The following PRKD1 variants were observed in gnomAD, a reference collection of about 807,000 sequenced individuals.
PRKD1 encodes serine/threonine-protein kinase D1.
A neutral mutation model predicts 95.9 loss-of-function variants in PRKD1; 63 were observed. That is an observed-to-expected ratio of 0.66 (90% CI 0.54 to 0.81). The LOEUF (loss-of-function observed/expected upper bound fraction) is 0.81, where lower values mean the gene tolerates loss of function less well. Ranked by LOEUF, PRKD1 falls within the 30% of genes least tolerant of loss-of-function variation. The pLI is 0.00. For synonymous variants in PRKD1, 425 were observed against 423.1 expected (o/e 1.00, Z -0.05); for missense variants, 1,048 against 1,165.3 (o/e 0.90, Z 1.47).
At chr14:29,734,902 G>T (rs1886642761) in intron 1 of PRKD1, among the ~76,000 whole-genome samples, 1 of 152,108 alleles carries the variant, frequency 6.6e-6, no homozygotes, top group African/African-American at 2.4e-5. Context: ...GGCTCTGCTT[G>T]GGTTCTCCCT....
At chr14:29,600,423 A>G (rs568722673) in intron 13 of PRKD1, among the ~76,000 whole-genome samples, 1 of 152,300 alleles carries the variant, frequency 6.6e-6, no homozygotes, top group African/African-American at 2.4e-5. Flanking sequence ...GCACGCAATA[A>G]ATATAGCTAA....
At chr14:29,676,771 A>T (rs1883249654) in intron 2 of PRKD1, among the ~76,000 whole-genome samples, 1 of 152,184 alleles carries the variant, frequency 6.6e-6, no homozygotes, top group Admixed American at 6.5e-5. Context: ...GTTTAGATTT[A>T]GAGTAGGACA....
At chr14:29,682,369 T>C (rs746017916) in intron 2 of PRKD1, among the ~76,000 whole-genome samples, 3 of 152,206 alleles carry the variant, frequency 2.0e-5, no homozygotes, top group African/African-American at 4.8e-5. Context: ...TCAAAGACTT[T>C]ATCTAAAGCC....
intron 1 of PRKD1, among the ~76,000 whole-genome samples, chr14:29,797,523 C>T (rs1889868116): frequency 6.6e-6 from 1 of 152,206 alleles, no homozygotes; most frequent in Admixed American, 6.5e-5. Context: ...CAGACCCTTA[C>T]ACCAAACCAT....
At chr14:29,871,438 C>T (rs1011167112) in intron 1 of PRKD1, among the ~76,000 whole-genome samples, 5 of 152,136 alleles carry the variant, frequency 3.3e-5, no homozygotes, top group Admixed American at 6.6e-5. Flanking sequence ...AAATGAGAGG[C>T]AGGAGAGTGT....
chr14:29,589,095 CAGAA>C (rs1893037854), intron 16 of PRKD1, among the ~76,000 whole-genome samples: 1 of 152,034 alleles, frequency 6.6e-6, no homozygotes, highest in Admixed American at 6.6e-5. Flanking sequence ...TATGAAAACT[CAGAA>C]GGAAAAAAAT....
chr14:29,905,337 C>T lies in PRKD1; in HGVS notation c.264+21912G>A, dbSNP rs45448493. 7.9e-3 allele frequency among the ~76,000 whole-genome samples: 1,197 copies of T among 152,250 alleles called. 14 individuals are homozygous for T. The highest frequency in any genetic ancestry group is 0.027 in the African/African-American group (1,136 of 41,548). On this transcript the variant is annotated intron_variant, in intron 1 of 17. Transcript: ENST00000331968. Reference sequence around the variant, plus strand: ...AGTAGGGACTCTAGTCTTCCATGTCCCTGCACTTCAAGGAATGTGGGTGTC... The same window carrying T: ...AGTAGGGACTCTAGTCTTCCATGTCTCTGCACTTCAAGGAATGTGGGTGTC...
chr14:29,790,444 A>G (rs183259995), intron 1 of PRKD1, among the ~76,000 whole-genome samples: 1 of 152,338 alleles, frequency 6.6e-6, no homozygotes, highest in Admixed American at 6.5e-5. Flanking sequence ...TGAATAAAGA[A>G]AGAGTTGATC....
rs532734188 is a variant in PRKD1, at chr14:29,906,223, GTTAAGT to G, written c.264+21020_264+21025del. The stretch of plus-strand genomic sequence containing the variant: ...ATAAAAATGATTTTTTAAAGTAAGC[GTTAAGT>G]TTAAGTCATGTAAAAAGCTGAAATC... On this transcript the variant is annotated intron_variant, in intron 1 of 17. Coordinates refer to ENST00000331968, the MANE Select transcript of PRKD1 (RefSeq NM_002742.3). Among the ~76,000 whole-genome samples, 371 of 152,152 alleles carry G rather than the reference GTTAAGT, an allele frequency of 2.4e-3. 2 individuals are homozygous for G. The highest frequency in any genetic ancestry group is 8.4e-3 in the African/African-American group (347 of 41,506).
At chr14:29,695,190 TGCCACTGCACTCCA>T (rs1884442704) in intron 2 of PRKD1, among the ~76,000 whole-genome samples, 1 of 145,318 alleles carries the variant, frequency 6.9e-6, no homozygotes, top group Non-Finnish European at 1.5e-5. Context: ...GCTGAGATCC[TGCCACTGCACTCCA>T]GCCTGGGCAA....
intron 1 of PRKD1, among the ~76,000 whole-genome samples, chr14:29,831,449 GT>G (rs71108500): frequency 0.36 from 45,703 of 128,284 alleles, 7,636 homozygotes; most frequent in South Asian, 0.47. Flanking sequence ...AGAATGTTTG[GT>G]TTTTTTTTTT....
chr14:29,902,273 A>G (rs1006879793), intron 1 of PRKD1, among the ~76,000 whole-genome samples: 21 of 152,020 alleles, frequency 1.4e-4, no homozygotes, highest in African/African-American at 5.1e-4. Context: ...AAAAAAAAAA[A>G]GGAATTATGA....
chr14:29,598,618 C>T (rs1438289723), intron 15 of PRKD1, among the ~76,000 whole-genome samples: 1 of 152,206 alleles, frequency 6.6e-6, no homozygotes, highest in Non-Finnish European at 1.5e-5. Context: ...TCAGTCAAGT[C>T]ACTTCAGACC....
At position 29,915,842 on chromosome 14, in the gene PRKD1, C is replaced by T. The variant is rs147171217; in HGVS notation, c.264+11407G>A. Among the ~76,000 whole-genome samples, 43 of 152,182 alleles carry T rather than the reference C, an allele frequency of 2.8e-4. 1 individual carries two copies. Among genetic ancestry groups the T allele is most frequent in the South Asian group, 2.1e-3 (10 of 4,826 alleles). ...ACAAATCTACGGCCTTTCAAGCAAG[C>T]GAATAAAGTATTGGGAGGGTCTGCT... On this transcript the variant is annotated intron_variant, in intron 1 of 17. Coordinates refer to ENST00000331968, the MANE Select transcript of PRKD1 (RefSeq NM_002742.3).
chr14:29,793,617 G>C (rs2139199880), intron 1 of PRKD1, among the ~76,000 whole-genome samples: 1 of 152,010 alleles, frequency 6.6e-6, no homozygotes, highest in Non-Finnish European at 1.5e-5. Flanking sequence ...TGAACAGTGA[G>C]TATTTCTTAT....
At chr14:29,838,850 A>G (rs540948179) in intron 1 of PRKD1, among the ~76,000 whole-genome samples, 1 of 152,204 alleles carries the variant, frequency 6.6e-6, no homozygotes, top group Non-Finnish European at 1.5e-5. Flanking sequence ...GGACTAAGTA[A>G]TGGGTTTGAA....
intron 13 of PRKD1, among the ~76,000 whole-genome samples, chr14:29,606,998 C>A (rs1878023494): frequency 6.6e-6 from 1 of 152,182 alleles, no homozygotes; most frequent in South Asian, 2.1e-4. Context: ...GCTTCCAAAT[C>A]TTATGTAAAA....
chr14:29,739,027 G>C (rs918875833), intron 1 of PRKD1, among the ~76,000 whole-genome samples: 1 of 151,898 alleles, frequency 6.6e-6, no homozygotes, highest in Non-Finnish European at 1.5e-5. Flanking sequence ...GTAGAGACAG[G>C]GTTTCACCAT....
chr14:29,583,834 A>T (rs976705456), intron 16 of PRKD1, among the ~76,000 whole-genome samples: 5 of 152,130 alleles, frequency 3.3e-5, no homozygotes, highest in African/African-American at 4.8e-5. Context: ...TATAAAAAAA[A>T]TTTATTTTTT....
Sources: allele counts gnomAD v4.1 joint callset (sites outside exome capture counted in the v4.1 genomes callset), GRCh38; gene constraint gnomAD v4.1.1; transcripts MANE v1.5; gene names NCBI Gene and HGNC (gene_info 2026-07-23, HGNC 2026-07-21).